Variants in NCKAP5 observed in about 807,000 individuals in gnomAD.
NCKAP5 encodes the protein nck-associated protein 5.
A neutral mutation model predicts 167.0 loss-of-function variants in NCKAP5; 92 were observed. That is an observed-to-expected ratio of 0.55 (90% CI 0.47 to 0.66). The LOEUF is 0.66. Ranked by LOEUF, NCKAP5 falls within the 30% of genes least tolerant of loss-of-function variation. NCKAP5 has a pLI of 0.00. For synonymous variants in NCKAP5, 891 were observed against 877.4 expected (o/e 1.02, Z -0.27); for missense variants, 2,378 against 2,315.0 (o/e 1.03, Z -0.56).
chr2:133,255,867 TTTAA>T (rs1394328547), intron 4 of NCKAP5, among the ~76,000 whole-genome samples: 2 of 152,316 alleles, frequency 1.3e-5, no homozygotes, highest in East Asian at 3.9e-4. Flanking sequence ...AAAACAAGTG[TTTAA>T]TTAATGAACA....
intron 6 of NCKAP5, among the ~76,000 whole-genome samples, chr2:133,005,591 C>T (rs2077937588): frequency 6.6e-6 from 1 of 152,096 alleles, no homozygotes; most frequent in African/African-American, 2.4e-5. Context: ...CTTGAGTAAT[C>T]TGAAGCACAA....
chr2:133,045,181 A>T (rs1162628349), intron 6 of NCKAP5, among the ~76,000 whole-genome samples: 1 of 152,190 alleles, frequency 6.6e-6, no homozygotes, highest in African/African-American at 2.4e-5. Context: ...ACTGAAGATT[A>T]TTCACATGAT....
chr2:132,953,318 A>G (rs566798431), intron 8 of NCKAP5, among the ~76,000 whole-genome samples: 1 of 152,078 alleles, frequency 6.6e-6, no homozygotes, highest in Non-Finnish European at 1.5e-5. Flanking sequence ...AACTGGCATA[A>G]AGCCTCAAAG....
At chr2:133,368,260 A>C (rs1209695926) in intron 3 of NCKAP5, among the ~76,000 whole-genome samples, 1 of 152,206 alleles carries the variant, frequency 6.6e-6, no homozygotes, top group Non-Finnish European at 1.5e-5. Context: ...AAATGTTGCC[A>C]AAAACTATTT....
At chr2:133,454,235 C>T (rs939656886) in intron 3 of NCKAP5, among the ~76,000 whole-genome samples, 2 of 151,950 alleles carry the variant, frequency 1.3e-5, no homozygotes, top group Admixed American at 1.3e-4. Flanking sequence ...ATATAAATGG[C>T]TATTCAGAAT....
chr2:133,213,161 A>C (rs927854298), intron 5 of NCKAP5, among the ~76,000 whole-genome samples: 1 of 152,192 alleles, frequency 6.6e-6, no homozygotes, highest in Non-Finnish European at 1.5e-5. Flanking sequence ...ACAGTCTATA[A>C]AATGAAGTTG....
chr2:132,986,938 T>C (rs974717278), intron 7 of NCKAP5, among the ~76,000 whole-genome samples: 18 of 152,202 alleles, frequency 1.2e-4, no homozygotes, highest in East Asian at 3.9e-4. Flanking sequence ...TCCTTATCAA[T>C]GAGGAACATC....
At chr2:132,930,738 T>C (rs1001568114) in intron 8 of NCKAP5, 4 of 152,192 alleles carry the variant, frequency 2.6e-5, no homozygotes, top group Admixed American at 1.3e-4. Context: ...ATATATCCTA[T>C]AGTTTCTGTT....
At chr2:133,468,564 C>T (rs1052455029) in intron 3 of NCKAP5, among the ~76,000 whole-genome samples, 37 of 152,148 alleles carry the variant, frequency 2.4e-4, no homozygotes, top group African/African-American at 8.2e-4. Context: ...CCTGGGTATC[C>T]TTGTTGACTT....
chr2:133,538,153 T>C (rs1685901415), intron 2 of NCKAP5, among the ~76,000 whole-genome samples: 1 of 152,214 alleles, frequency 6.6e-6, no homozygotes, highest in Non-Finnish European at 1.5e-5. Flanking sequence ...GGGGACTCCA[T>C]GCAAACCCTT....
chr2:133,526,604 A>G (rs1684946983), intron 2 of NCKAP5, among the ~76,000 whole-genome samples: 9 of 152,118 alleles, frequency 5.9e-5, no homozygotes. Flanking sequence ...ACAGAATTGC[A>G]TGGGCTTAGA....
intron 7 of NCKAP5, among the ~76,000 whole-genome samples, chr2:132,970,227 A>C (rs766827719): frequency 2.7e-4 from 41 of 152,068 alleles, no homozygotes; most frequent in Non-Finnish European, 4.7e-4. Flanking sequence ...TATTTTAATC[A>C]GAAAAAATAT....
In NCKAP5 at chr2:133,567,395, C is replaced by T. The variant is rs762642777; in HGVS notation, c.-130+821G>A. 1.2e-4 allele frequency among the ~76,000 whole-genome samples: 18 copies of T among 151,782 alleles called. 1 individual carries two copies. Among genetic ancestry groups the T allele is most frequent in the Admixed American group, 1.1e-3 (17 of 15,266 alleles). ...GCGGCATACATGAAGCTCACTCTTCCTATTTAAATCCCAGAGAATATCTGG... is the reference window on the plus strand; with the variant it reads ...GCGGCATACATGAAGCTCACTCTTCTTATTTAAATCCCAGAGAATATCTGG... On this transcript the variant is annotated intron_variant, in intron 1 of 19. Coordinates refer to ENST00000409261, the MANE Select transcript of NCKAP5 (RefSeq NM_207363.3).
At chr2:133,617,368 T>A in the NCKAP5 span, among the ~76,000 whole-genome samples, 1 of 150,852 alleles carries the variant, frequency 6.6e-6, no homozygotes, top group East Asian at 1.9e-4. Flanking sequence ...AAACTGTCCC[T>A]GTTTGCAGAC....
chr2:133,094,523 T>G (rs1400600170), intron 6 of NCKAP5, among the ~76,000 whole-genome samples: 2 of 152,188 alleles, frequency 1.3e-5, no homozygotes, highest in South Asian at 2.1e-4. Flanking sequence ...TCTTTCCATG[T>G]ATACTTATGT....
At chr2:133,628,922 C>A in the NCKAP5 span, among the ~76,000 whole-genome samples, 1 of 152,164 alleles carries the variant, frequency 6.6e-6, no homozygotes, top group Admixed American at 6.5e-5. Flanking sequence ...GCTGGGAGAA[C>A]TGGGTAGCCA....
chr2:132,891,344 G>A lies in NCKAP5; in HGVS notation c.580-12428C>T, dbSNP rs547485325. Among the ~76,000 whole-genome samples, 4 of 152,246 alleles carry A rather than the reference G, an allele frequency of 2.6e-5. No individual in the cohort carries two copies. The East Asian group carries it at 7.8e-4, about 30-fold the overall frequency. On this transcript the variant is annotated intron_variant, in intron 8 of 19. Transcript: ENST00000409261. ...GTTCCCAGGTGCTGCTGCTGGCCTG[G>A]GAACAGCACTTTGAGAGCTAGTGCT... is the stretch of plus-strand genomic sequence containing the variant.
chr2:133,371,715 T>C (rs753152327), intron 3 of NCKAP5, among the ~76,000 whole-genome samples: 4 of 152,236 alleles, frequency 2.6e-5, no homozygotes, highest in Admixed American at 2.6e-4. Flanking sequence ...TGGTTTAACC[T>C]CTGAATCAAT....
intron 4 of NCKAP5, among the ~76,000 whole-genome samples, chr2:133,272,729 C>T (rs2089568182): frequency 6.6e-6 from 1 of 152,168 alleles, no homozygotes; most frequent in South Asian, 2.1e-4. Flanking sequence ...ATTCTCCAGC[C>T]AGAGGCAACC....
Sources: allele counts gnomAD v4.1 joint callset (sites outside exome capture counted in the v4.1 genomes callset), GRCh38; gene constraint gnomAD v4.1.1; transcripts MANE v1.5; gene names NCBI Gene and HGNC (gene_info 2026-07-23, HGNC 2026-07-21).